MAGI1: variants seen among roughly 807,000 people sequenced by gnomAD.
The protein encoded by MAGI1 is membrane-associated guanylate kinase, WW and PDZ domain-containing protein 1.
A neutral mutation model predicts 139.9 loss-of-function variants in MAGI1; 58 were observed. The ratio of observed to expected loss-of-function variants is 0.41; its 90% CI spans 0.34 to 0.52. The LOEUF (loss-of-function observed/expected upper bound fraction) is 0.52, where lower values mean the gene tolerates loss of function less well. MAGI1 is among the 20% of genes least tolerant of loss of function. The pLI, the probability that MAGI1 is intolerant of heterozygous loss-of-function variation, is 0.12. For synonymous variants in MAGI1, 812 were observed against 737.9 expected (o/e 1.10, Z -1.63); for missense variants, 1,874 against 1,901.6 (o/e 0.99, Z 0.27).
chr3:65,621,922 C>CAG lies in MAGI1; in HGVS notation c.430+49_430+50insCT, dbSNP rs1329557860. ...TCCTTTCTCCCCTGGACTTTTCACACACACACACACACACACACAGCAGTG... is the reference window on the plus strand; with the variant it reads ...TCCTTTCTCCCCTGGACTTTTCACACAGACACACACACACACACACAGCAGTG... On this transcript the variant is annotated intron_variant, in intron 2 of 22. Coordinates refer to ENST00000402939, the MANE Select transcript of MAGI1 (RefSeq NM_001033057.2). 5 of 1,351,864 alleles carry CAG rather than the reference C, an allele frequency of 3.7e-6. No homozygotes were observed. The African/African-American group carries it at 7.2e-5, about 20-fold the overall frequency. 83.7% of individuals were successfully genotyped at this position (1,351,864 alleles called of 1,614,324 possible). A position where few individuals can be genotyped will look rare whatever the true frequency, so the allele number is the denominator to read the frequency against.
At chr3:65,965,039 T>C (rs1290987834) in intron 1 of MAGI1, among the ~76,000 whole-genome samples, 1 of 152,232 alleles carries the variant, frequency 6.6e-6, no homozygotes, top group Non-Finnish European at 1.5e-5. Flanking sequence ...TTAGCCTTGC[T>C]CTAAAACTTT....
intron 1 of MAGI1, among the ~76,000 whole-genome samples, chr3:65,962,416 C>G (rs13088832): frequency 1.3e-5 from 2 of 151,976 alleles, no homozygotes; most frequent in Non-Finnish European, 2.9e-5. Flanking sequence ...CCACCGCGCC[C>G]GGCCTCTGAA....
chr3:65,457,710 T>G (rs995723524), intron 5 of MAGI1, among the ~76,000 whole-genome samples: 1 of 152,164 alleles, frequency 6.6e-6, no homozygotes, highest in African/African-American at 2.4e-5. Flanking sequence ...GTGTAGAAGA[T>G]ACTTCGATAC....
chr3:65,674,393 C>A (rs936013674), intron 1 of MAGI1, among the ~76,000 whole-genome samples: 1 of 152,104 alleles, frequency 6.6e-6, no homozygotes. Context: ...TTTATTTCTC[C>A]CCTAGGATCA....
intron 1 of MAGI1, among the ~76,000 whole-genome samples, chr3:66,020,082 C>G (rs772732285): frequency 6.6e-6 from 1 of 152,214 alleles, no homozygotes; most frequent in Non-Finnish European, 1.5e-5. Context: ...CTCTGGGTCT[C>G]TCTCTCCCTG....
chr3:65,725,485 G>C (rs949583551), intron 1 of MAGI1, among the ~76,000 whole-genome samples: 1 of 152,192 alleles, frequency 6.6e-6, no homozygotes, highest in Non-Finnish European at 1.5e-5. Context: ...GGAGGACAGA[G>C]GTACAATTAT....
intron 1 of MAGI1, chr3:65,874,802 C>T (rs1391688549): frequency 6.6e-6 from 1 of 152,496 alleles, no homozygotes; most frequent in Non-Finnish European, 1.5e-5. Context: ...AAAACCTGTA[C>T]ATGAATATCC....
At chr3:65,598,030 G>T in intron 2 of MAGI1, 2 of 414,498 alleles carry the variant, frequency 4.8e-6, no homozygotes, top group Admixed American at 5.3e-5. Flanking sequence ...AGCAGGAGCA[G>T]CTGATGGTGC....
intron 1 of MAGI1, among the ~76,000 whole-genome samples, chr3:65,936,149 T>C (rs1371418032): frequency 6.6e-6 from 1 of 151,866 alleles, no homozygotes; most frequent in East Asian, 1.9e-4. Context: ...TGGAAAGCCA[T>C]GGAAGGGTTT....
At chr3:65,477,172 C>T (rs1950939958) in intron 4 of MAGI1, among the ~76,000 whole-genome samples, 1 of 152,162 alleles carries the variant, frequency 6.6e-6, no homozygotes, top group Admixed American at 6.5e-5. Flanking sequence ...TTTGGCTATC[C>T]TACTGCTATG....
intron 1 of MAGI1, among the ~76,000 whole-genome samples, chr3:65,729,308 T>C (rs1288103484): frequency 6.6e-6 from 1 of 152,200 alleles, no homozygotes; most frequent in Non-Finnish European, 1.5e-5. Context: ...ACAAACTATA[T>C]TCATTTAAAA....
intron 1 of MAGI1, among the ~76,000 whole-genome samples, chr3:65,662,813 A>T (rs756827283): frequency 6.6e-6 from 1 of 152,178 alleles, no homozygotes; most frequent in African/African-American, 2.4e-5. Context: ...TTTACCACAC[A>T]TAACTACAAC....
intron 1 of MAGI1, among the ~76,000 whole-genome samples, chr3:65,794,857 A>AT (rs1459037659): frequency 6.6e-6 from 1 of 152,050 alleles, no homozygotes; most frequent in East Asian, 1.9e-4. Context: ...AAAAAAAAAA[A>AT]AAACCCACAA....
At position 65,626,195 on chromosome 3, in the gene MAGI1, C is replaced by G. The variant is rs185888673; in HGVS notation, c.314-4107G>C. On this transcript the variant is annotated intron_variant, in intron 1 of 22. Coordinates refer to ENST00000402939, the MANE Select transcript of MAGI1 (RefSeq NM_001033057.2). ...ATATCCAAAATGCTTAAATCAAAAG[C>G]AACATTCCAAAGGAGTTTTCAGATA... Among the ~76,000 whole-genome samples, 7 of 152,286 alleles carry G rather than the reference C, an allele frequency of 4.6e-5. No individual in the cohort carries two copies. In the East Asian group the frequency reaches 1.4e-3, roughly 29 times the overall value.
rs1159668659 is a variant in MAGI1 at position 65,841,616 on chromosome 3, C to T, written c.313+196380G>A. ...CTAATTTTTGTATTTTGAGTAGAGA[C>T]GAGGTTTCACCATGTTCGCTAGGCT... On this transcript the variant is annotated intron_variant, in intron 1 of 22. Transcript: ENST00000402939. Among the ~76,000 whole-genome samples the T allele has an allele frequency of 3.3e-5, 5 of 151,930 alleles. No individual in the cohort carries two copies. In the East Asian group the frequency reaches 7.8e-4, roughly 24 times the overall value.
At chr3:65,961,391 C>T (rs2064416311) in intron 1 of MAGI1, among the ~76,000 whole-genome samples, 2 of 152,194 alleles carry the variant, frequency 1.3e-5, no homozygotes, top group Non-Finnish European at 2.9e-5. Context: ...TTATTTTCAA[C>T]TCCAGTTCCT....
Position 65,632,218 on chromosome 3 carries a change from C to A in MAGI1, c.314-10130G>T, listed in dbSNP as rs191597585. On this transcript the variant is annotated intron_variant, in intron 1 of 22. Transcript: ENST00000402939. Reference sequence around the variant, plus strand: ...TACCTAAAGGTTATGGCAGTTTCTACCAAATCTGGAAGAAATTCAGCATCA... The same window carrying A: ...TACCTAAAGGTTATGGCAGTTTCTAACAAATCTGGAAGAAATTCAGCATCA... 3.9e-5 allele frequency among the ~76,000 whole-genome samples: 6 copies of A among 152,214 alleles called. No individual in the cohort carries two copies. The East Asian group carries it at 1.2e-3, about 29-fold the overall frequency.
intron 1 of MAGI1, among the ~76,000 whole-genome samples, chr3:65,865,025 C>T (rs1173353929): frequency 1.3e-5 from 2 of 151,984 alleles, no homozygotes; most frequent in African/African-American, 4.8e-5. Context: ...GTTGATATAA[C>T]ACTCGGATAG....
chr3:65,707,807 C>T (rs2030632064), intron 1 of MAGI1, among the ~76,000 whole-genome samples: 1 of 151,788 alleles, frequency 6.6e-6, no homozygotes, highest in African/African-American at 2.4e-5. Flanking sequence ...TCTCAAGCTT[C>T]TTTCTCAGTA....
Sources: allele counts gnomAD v4.1 joint callset (sites outside exome capture counted in the v4.1 genomes callset), GRCh38; gene constraint gnomAD v4.1.1; transcripts MANE v1.5; gene names NCBI Gene and HGNC (gene_info 2026-07-23, HGNC 2026-07-21).